Variants in C14orf39 observed in about 807,000 individuals in gnomAD.
C14orf39 encodes chromosome 14 open reading frame 39.
Under a neutral mutation model 85.6 loss-of-function variants are expected in C14orf39, and 66 were observed. The ratio of observed to expected loss-of-function variants is 0.77; its 90% CI spans 0.63 to 0.95. The LOEUF (loss-of-function observed/expected upper bound fraction) is 0.95. Among genes scored for constraint, C14orf39 ranks in the 40% least tolerant of loss-of-function variants. The pLI is 0.00. For missense variants in C14orf39, 735 were observed against 663.9 expected (o/e 1.11, Z -1.18); for synonymous variants, 242 against 214.0 (o/e 1.13, Z -1.14).
intron 2 of C14orf39, among the ~76,000 whole-genome samples, chr14:60,493,322 A>G (rs959532713): frequency 2.6e-5 from 4 of 152,220 alleles, no homozygotes; most frequent in African/African-American, 9.6e-5. Context: ...AGATAGGTAC[A>G]TGGTTAGCTG....
chr14:60,467,581 A>C (rs564525507), intron 9 of C14orf39, among the ~76,000 whole-genome samples: 1 of 152,018 alleles, frequency 6.6e-6, no homozygotes, highest in South Asian at 2.1e-4. Context: ...CTAAATATTT[A>C]TATGTTTCTG....
chr14:60,490,012 A>G (rs1892962273), upstream of C14orf39, among the ~76,000 whole-genome samples: 1 of 152,142 alleles, frequency 6.6e-6, no homozygotes, highest in African/African-American at 2.4e-5. Context: ...CTGCATTATC[A>G]CTTTTCCTTC....
At chr14:60,471,827 A>G in intron 5 of C14orf39, 88 bp from the exon 6 acceptor site, 1 of 732,194 alleles carries the variant, frequency 1.4e-6, no homozygotes, top group Non-Finnish European at 2.1e-6. Context: ...CTAAACATAA[A>G]AGGCAAATCA....
chr14:60,457,073 C>T lies in C14orf39; in HGVS notation c.1202G>A (p.Gly401Glu). Reference sequence around the variant, plus strand: ...ATCACTATCATTTTCTACTGACTTCCCAAAATGTTCAGTATATATAGCCTG... The same window carrying T: ...ATCACTATCATTTTCTACTGACTTCTCAAAATGTTCAGTATATATAGCCTG... Reference protein sequence around the residue: ...TSQAIYTEHFGKSVENDSDEV... With the variant: ...TSQAIYTEHFEKSVENDSDEV... Residue 401 changes from glycine to glutamate, a missense_variant, in exon 15 of 18, where the codon GGG becomes GAG. Transcript: ENST00000321731. 1 of 1,596,298 alleles carries T rather than the reference C, an allele frequency of 6.3e-7. No individual in the cohort carries two copies. Among genetic ancestry groups the T allele is most frequent in the Non-Finnish European group, 8.5e-7 (1 of 1,172,312 alleles).
At chr14:60,469,806 A>C (rs1891983808) in intron 7 of C14orf39, among the ~76,000 whole-genome samples, 153 bp from the exon 8 acceptor site, 1 of 151,694 alleles carries the variant, frequency 6.6e-6, no homozygotes, top group Admixed American at 6.6e-5. Flanking sequence ...AAAACAGGAG[A>C]ATAATATAAA....
rs551371222 is a variant in C14orf39, at chr14:60,504,523, A to G, written c.-143-5093T>C. On this transcript the variant is annotated intron_variant, in intron 1 of 5. Coordinates refer to the C14orf39 transcript ENST00000556799. Reference sequence around the variant, plus strand: ...CAAAAATAACCTGCTGCTGTGAAAAAAGTATGTCCCAATAGAGAACCATGA... The same window carrying G: ...CAAAAATAACCTGCTGCTGTGAAAAGAGTATGTCCCAATAGAGAACCATGA... 3.9e-5 allele frequency among the ~76,000 whole-genome samples: 6 copies of G among 152,350 alleles called. No individual in the cohort carries two copies. The South Asian group carries it at 1.2e-3, about 32-fold the overall frequency.
At chr14:60,514,699 A>C (rs572221699) in intron 1 of C14orf39, among the ~76,000 whole-genome samples, 1 of 152,354 alleles carries the variant, frequency 6.6e-6, no homozygotes, top group East Asian at 1.9e-4. Flanking sequence ...AGCTCAAGCA[A>C]AGTCTTCCTT....
At chr14:60,501,306 CAAAA>C (rs66800067) in intron 1 of C14orf39, among the ~76,000 whole-genome samples, 3 of 105,616 alleles carry the variant, frequency 2.8e-5, no homozygotes, top group South Asian at 3.6e-4. Flanking sequence ...ACCCTGTCTC[CAAAA>C]AAAAAAAAAA....
intron 16 of C14orf39, 92 bp downstream of exon 16, chr14:60,454,909 T>C: frequency 1.0e-6 from 1 of 971,934 alleles, no homozygotes; most frequent in Non-Finnish European, 1.5e-6. Flanking sequence ...GTTGATAATC[T>C]GCCCCAAGAC....
Position 60,461,550 on chromosome 14 carries a change from T to G in C14orf39, c.1016A>C (p.His339Pro). Reference sequence around the variant, plus strand: ...TTGTGAACTTGTGATAGTCGTAATATGTGAACATTTTGAATGGTTATCCAC... The same window carrying G: ...TTGTGAACTTGTGATAGTCGTAATAGGTGAACATTTTGAATGGTTATCCAC... ...SAVDNHSKCSHITTITSSQKF... is the reference protein window; with the variant it reads ...SAVDNHSKCSPITTITSSQKF... The change falls in exon 12 of 18, where the codon CAT becomes CCT. Residue 339 changes from histidine to proline, a missense_variant. His to Pro is a moderately conservative substitution (Grantham distance 77). Transcript: ENST00000321731. 1 of 1,586,804 alleles carries G rather than the reference T, an allele frequency of 6.3e-7. No individual in the cohort carries two copies. Among genetic ancestry groups the G allele is most frequent in the Non-Finnish European group, 8.5e-7 (1 of 1,170,480 alleles).
rs17097498 is a variant in C14orf39, at chr14:60,485,608, G to A, written c.-9+337C>T. Among the ~76,000 whole-genome samples the A allele has an allele frequency of 5.1e-3, 777 of 152,274 alleles. 2 individuals are homozygous for A. The highest frequency in any genetic ancestry group is 0.017 in the African/African-American group (698 of 41,570). ...GAGGTTTTCACAGAACAGCCAATTC[G>A]CATTACGGCATACGCCTGAGGCGGG... On this transcript the variant is annotated intron_variant, in intron 1 of 17. Transcript: ENST00000321731.
chr14:60,476,697 T>C (rs932669860), intron 5 of C14orf39, among the ~76,000 whole-genome samples: 2 of 152,188 alleles, frequency 1.3e-5, no homozygotes, highest in African/African-American at 4.8e-5. Context: ...TAATGTTTTA[T>C]AGTCATGACT....
At chr14:60,507,858 T>C (rs1312278941) in intron 1 of C14orf39, among the ~76,000 whole-genome samples, 1 of 152,220 alleles carries the variant, frequency 6.6e-6, no homozygotes, top group East Asian at 1.9e-4. Flanking sequence ...ACGGTTTTCC[T>C]GGCGTTTTTG....
intron 11 of C14orf39, among the ~76,000 whole-genome samples, chr14:60,464,875 G>A (rs780240102): frequency 2.0e-5 from 3 of 151,712 alleles, no homozygotes; most frequent in East Asian, 1.9e-4. Context: ...CACCTTATTC[G>A]TTTTCTATTT....
At chr14:60,495,337 T>C (rs2140177794) in intron 2 of C14orf39, 2 of 217,506 alleles carry the variant, frequency 9.2e-6, no homozygotes, top group South Asian at 8.2e-5. Context: ...TGGGGAATTA[T>C]AGTTTGGTCC....
intron 4 of C14orf39, among the ~76,000 whole-genome samples, chr14:60,482,545 T>C (rs1035835081): frequency 6.6e-6 from 1 of 152,212 alleles, no homozygotes; most frequent in Non-Finnish European, 1.5e-5. Context: ...TATAAACTTT[T>C]TGGAGAGCAG....
chr14:60,474,908 G>T (rs1014951722), intron 5 of C14orf39, among the ~76,000 whole-genome samples: 1 of 152,162 alleles, frequency 6.6e-6, no homozygotes, highest in Non-Finnish European at 1.5e-5. Flanking sequence ...GGATGATGCT[G>T]GCCTCATAAA....
chr14:60,498,314 CTAAT>C (rs1893096918), intron 2 of C14orf39, among the ~76,000 whole-genome samples: 1 of 152,212 alleles, frequency 6.6e-6, no homozygotes, highest in Admixed American at 6.5e-5. Flanking sequence ...TTTCCAAACT[CTAAT>C]TAAGCACAGA....
intron 15 of C14orf39, among the ~76,000 whole-genome samples, chr14:60,455,629 GA>G (rs1196856121): frequency 6.6e-6 from 1 of 152,014 alleles, no homozygotes; most frequent in Non-Finnish European, 1.5e-5. Context: ...TATGATTTGG[GA>G]AAAATAATTA....
Sources: gnomAD v4.1 joint callset for allele counts (sites outside exome capture counted in the v4.1 genomes callset) on GRCh38, gnomAD v4.1.1 for gene constraint, MANE v1.5 for transcripts, NCBI Gene and HGNC (gene_info 2026-07-23, HGNC 2026-07-21) for gene names.